The following RXRA variants were observed in gnomAD, a reference collection of about 807,000 sequenced individuals.
RXRA encodes the protein retinoid X receptor alpha.
In RXRA, 5 loss-of-function variants were observed where a neutral mutation model predicts 44.5. That is an observed-to-expected ratio of 0.11 (90% CI 0.06 to 0.24). RXRA has a LOEUF of 0.24. RXRA is among the 10% of genes least tolerant of loss of function. The pLI is 1.00. For synonymous variants in RXRA, 291 were observed against 271.4 expected (o/e 1.07, Z -0.71); for missense variants, 412 against 646.5 (o/e 0.64, Z 3.93).
intron 1 of RXRA, among the ~76,000 whole-genome samples, chr9:134,340,736 G>A (rs1205460341): frequency 6.6e-6 from 1 of 152,216 alleles, no homozygotes; most frequent in South Asian, 2.1e-4. Context: ...TGTGTGAGCT[G>A]TGGCCCAAGC....
chr9:134,416,458 A>G (rs192614503), intron 4 of RXRA, among the ~76,000 whole-genome samples: 1 of 152,152 alleles, frequency 6.6e-6, no homozygotes, highest in African/African-American at 2.4e-5. Context: ...CCTGGGACAG[A>G]TTGAAAGGCA....
chr9:134,396,728 C>G (rs145841167), intron 1 of RXRA, among the ~76,000 whole-genome samples: 200 of 152,314 alleles, frequency 1.3e-3, no homozygotes, highest in African/African-American at 4.6e-3. Context: ...CCCAAGCTCC[C>G]CCATTTAGAA....
At chr9:134,331,232 G>C (rs539539585) in intron 1 of RXRA, among the ~76,000 whole-genome samples, 49 of 152,352 alleles carry the variant, frequency 3.2e-4, no homozygotes, top group African/African-American at 1.1e-3. Context: ...ACCCGAGCCT[G>C]GTGCGAGATG....
rs1022825498 is a variant in RXRA at position 134,425,156 on chromosome 9, C to T, written c.910+3351C>T. On this transcript the variant is annotated intron_variant, in intron 6 of 9. Transcript: ENST00000481739. ...ACACTGAGTGGGGGTGCAGTGGCCA[C>T]AGCCCTGCAGGGGCCCAGAAACTGG... The T allele has an allele frequency of 5.1e-6, 5 of 985,280 alleles. No individual in the cohort carries two copies. The African/African-American group carries it at 8.7e-5, about 17-fold the overall frequency. 61.0% of individuals were successfully genotyped at this position (985,280 alleles called of 1,614,324 possible).
intron 6 of RXRA, chr9:134,424,751 CTG>C: frequency 1.0e-6 from 1 of 985,484 alleles, no homozygotes; most frequent in Non-Finnish European, 1.2e-6. Context: ...CAAGGATACA[CTG>C]TGCCTGGCTG....
At chr9:134,418,262 C>T (rs1831273238) in intron 5 of RXRA, among the ~76,000 whole-genome samples, 3 of 152,156 alleles carry the variant, frequency 2.0e-5, no homozygotes, top group Admixed American at 2.0e-4. Flanking sequence ...AGCTCCTGGC[C>T]ACCCGTGTGA....
At chr9:134,408,034 G>T (rs750272241) in intron 2 of RXRA, 115 bp from the exon 3 acceptor site, 6 of 755,926 alleles carry the variant, frequency 7.9e-6, no homozygotes, top group Non-Finnish European at 8.4e-6. Flanking sequence ...CTCTAGCCTC[G>T]GTGTCTGTGT....
chr9:134,346,560 T>C (rs912974691), intron 1 of RXRA, among the ~76,000 whole-genome samples: 37 of 152,312 alleles, frequency 2.4e-4, no homozygotes, highest in African/African-American at 8.7e-4. Context: ...GACCAGGACC[T>C]GGGCTCTGGG....
chr9:134,418,659 G>C (rs929651663), intron 5 of RXRA, among the ~76,000 whole-genome samples: 1 of 152,194 alleles, frequency 6.6e-6, no homozygotes, highest in Non-Finnish European at 1.5e-5. Flanking sequence ...CCCTGCCAGG[G>C]TGGGGACTGC....
chr9:134,361,046 C>G (rs915916499), intron 1 of RXRA, among the ~76,000 whole-genome samples: 4 of 152,230 alleles, frequency 2.6e-5, no homozygotes, highest in Non-Finnish European at 5.9e-5. Flanking sequence ...GCGAGTGCTG[C>G]CTCACCCCGG....
At chr9:134,358,753 GC>G (rs1325365769) in intron 1 of RXRA, among the ~76,000 whole-genome samples, 4 of 152,236 alleles carry the variant, frequency 2.6e-5, no homozygotes, top group Admixed American at 6.5e-5. Flanking sequence ...GCAGGCCTGG[GC>G]CCCGGCTGGG....
At chr9:134,347,540 T>C (rs1830168384) in intron 1 of RXRA, among the ~76,000 whole-genome samples, 1 of 152,086 alleles carries the variant, frequency 6.6e-6, no homozygotes, top group African/African-American at 2.4e-5. Context: ...CACACCCCTG[T>C]CCGGAGGAGC....
chr9:134,419,564 G>C (rs538029959), intron 5 of RXRA, among the ~76,000 whole-genome samples: 1 of 152,216 alleles, frequency 6.6e-6, no homozygotes, highest in Admixed American at 6.5e-5. Context: ...GGTCCAGAGA[G>C]GGGGCGACCT....
intron 1 of RXRA, among the ~76,000 whole-genome samples, chr9:134,333,662 C>T (rs1835043226): frequency 6.6e-6 from 1 of 152,204 alleles, no homozygotes; most frequent in African/African-American, 2.4e-5. Flanking sequence ...GGTGCTGCAG[C>T]CCAGAATGCA....
At position 134,372,618 on chromosome 9, in the gene RXRA, G is replaced by A. The variant is rs1341262786; in HGVS notation, c.29-29014G>A. Among the ~76,000 whole-genome samples, 6 of 152,292 alleles carry A rather than the reference G, an allele frequency of 3.9e-5. No homozygotes were observed. In the East Asian group the frequency reaches 1.2e-3, roughly 29 times the overall value. ...TATGGGGTGGGTGTTATTAGGCTTA[G>A]TTTAGAGGAGACAGAGGATCAGAGA... On this transcript the variant is annotated intron_variant, in intron 1 of 9. Coordinates refer to ENST00000481739, the MANE Select transcript of RXRA (RefSeq NM_002957.6).
intron 1 of RXRA, among the ~76,000 whole-genome samples, chr9:134,354,772 G>T (rs983843603): frequency 3.9e-5 from 6 of 152,220 alleles, no homozygotes; most frequent in Non-Finnish European, 7.3e-5. Context: ...GGCCAAACCT[G>T]CCTCCGCTGT....
intron 1 of RXRA, among the ~76,000 whole-genome samples, chr9:134,350,432 G>A (rs1370191562): frequency 1.3e-5 from 2 of 152,226 alleles, no homozygotes; most frequent in African/African-American, 4.8e-5. Context: ...ATGCTGTGAA[G>A]TAGCCACCTG....
intron 1 of RXRA, among the ~76,000 whole-genome samples, chr9:134,329,554 G>T (rs1834971139): frequency 6.6e-6 from 1 of 152,192 alleles, no homozygotes; most frequent in Non-Finnish European, 1.5e-5. Context: ...ATGTGGATGG[G>T]ACGAGCTGGG....
chr9:134,379,172 G>A lies in RXRA; in HGVS notation c.29-22460G>A, dbSNP rs1045884306. The A allele has an allele frequency of 3.9e-5, 28 of 725,884 alleles. 1 individual carries two copies. The highest frequency in any genetic ancestry group is 9.6e-5 in the African/African-American group (5 of 52,354). The allele number at this position is 725,884 out of a possible 1,614,324, so 45.0% of individuals were successfully genotyped here. A position where few individuals can be genotyped will look rare whatever the true frequency, so the allele number is the denominator to read the frequency against. On this transcript the variant is annotated intron_variant, in intron 1 of 9. Transcript: ENST00000481739. Reference sequence around the variant, plus strand: ...ACACCTCCTCTGCACAGCAGGACCCGGAATTATGCTGTTCTCGGTTGGACC... The same window carrying A: ...ACACCTCCTCTGCACAGCAGGACCCAGAATTATGCTGTTCTCGGTTGGACC...
Sources: allele counts gnomAD v4.1 joint callset (sites outside exome capture counted in the v4.1 genomes callset), GRCh38; gene constraint gnomAD v4.1.1; transcripts MANE v1.5; gene names NCBI Gene and HGNC (gene_info 2026-07-23, HGNC 2026-07-21).